NCAM1: variants seen among roughly 807,000 people sequenced by gnomAD.
NCAM1 encodes neural cell adhesion molecule 1.
A neutral mutation model predicts 109.8 loss-of-function variants in NCAM1; 14 were observed. The observed-to-expected ratio is 0.13, with a 90% CI of 0.08 to 0.20. NCAM1 has a LOEUF of 0.20. Among genes scored for constraint, NCAM1 ranks in the 10% least tolerant of loss-of-function variants. NCAM1 has a pLI of 1.00. For synonymous variants in NCAM1, 418 were observed against 442.9 expected (o/e 0.94, Z 0.70); for missense variants, 774 against 1,109.9 (o/e 0.70, Z 4.30).
intron 1 of NCAM1, among the ~76,000 whole-genome samples, chr11:113,078,727 G>T (rs1171390108): frequency 6.6e-6 from 1 of 152,234 alleles, no homozygotes; most frequent in East Asian, 1.9e-4. Context: ...GACCCCAAAG[G>T]CTATGCGGTA....
intron 1 of NCAM1, among the ~76,000 whole-genome samples, chr11:113,003,330 A>G (rs1342335631): frequency 1.3e-5 from 2 of 152,246 alleles, no homozygotes; most frequent in African/African-American, 4.8e-5. Flanking sequence ...TTGTATGTGG[A>G]TGAATGAAAT....
intron 1 of NCAM1, among the ~76,000 whole-genome samples, chr11:113,188,093 T>C (rs80083801): frequency 0.026 from 3,978 of 152,296 alleles, 167 homozygotes; most frequent in African/African-American, 0.09. Context: ...TTCTGTCTGT[T>C]TGCCAGTCCT....
At chr11:113,089,759 G>C (rs782501860) in intron 1 of NCAM1, among the ~76,000 whole-genome samples, 1 of 152,198 alleles carries the variant, frequency 6.6e-6, no homozygotes, top group Non-Finnish European at 1.5e-5. Context: ...ATTTTGGAAA[G>C]GGAGAAGATG....
chr11:113,010,681 C>T (rs891435992), intron 1 of NCAM1, among the ~76,000 whole-genome samples: 5 of 151,994 alleles, frequency 3.3e-5, no homozygotes, highest in South Asian at 2.1e-4. Flanking sequence ...AGTCAGTTGG[C>T]GAGAGTACCA....
chr11:113,206,149 C>T lies in NCAM1; in HGVS notation c.597C>T (p.Ile199=). Residue 199 remains isoleucine, a synonymous_variant, in exon 5 of 20, where the codon ATC becomes ATT. Transcript: ENST00000316851. ...GCAGAATCCTGGCACGGGGGGAGATCAACTTCAAGGACATTCAGGTCATTG... is the reference window on the plus strand; with the variant it reads ...GCAGAATCCTGGCACGGGGGGAGATTAACTTCAAGGACATTCAGGTCATTG... ...CEGRILARGE[I]NFKDIQVIVN... The T allele has an allele frequency of 6.2e-7, 1 of 1,613,318 alleles. No individual in the cohort carries two copies. The highest frequency in any genetic ancestry group is 8.5e-7 in the Non-Finnish European group (1 of 1,179,588).
chr11:113,231,179 G>T (rs1555117119), intron 9 of NCAM1: 1 of 1,534,810 alleles, frequency 6.5e-7, no homozygotes, highest in East Asian at 2.4e-5. Context: ...TTGGGCACTT[G>T]GAATGTCCTG....
At chr11:113,059,630 A>G (rs1161950161) in intron 1 of NCAM1, among the ~76,000 whole-genome samples, 1 of 152,196 alleles carries the variant, frequency 6.6e-6, no homozygotes, top group African/African-American at 2.4e-5. Context: ...TCCAAGAGTC[A>G]GGAAGAAGCC....
Position 113,233,316 on chromosome 11 carries a change from A to G in NCAM1, c.1692A>G (p.Glu564=). ...ATTCCAAGTGGTATGATGCCAAGGA[A>G]GGTGAGTTGGGCGAGTTGGTGTTTC... ...VWHSKWYDAK[E]ASMEGIVTIV... is the part of the protein sequence containing the mutation. Residue 564 remains glutamate, a splice_region_variant and synonymous_variant, in exon 13 of 20, where the codon GAA becomes GAG. Transcript: ENST00000316851. This position sits in a 1 kb window ranked among gnomAD's most constrained non-coding sequence, Gnocchi z 4.5. The G allele has an allele frequency of 6.2e-7, 1 of 1,612,436 alleles. No homozygotes were observed. Among genetic ancestry groups the G allele is most frequent in the South Asian group, 1.1e-5 (1 of 90,552 alleles).
chr11:113,031,325 A>T (rs1290933177), intron 1 of NCAM1, among the ~76,000 whole-genome samples: 1 of 152,184 alleles, frequency 6.6e-6, no homozygotes, highest in African/African-American at 2.4e-5. Context: ...GCACTTCACC[A>T]CTACCTTGGG....
At chr11:113,000,549 A>T (rs1555072207) in intron 1 of NCAM1, among the ~76,000 whole-genome samples, 1 of 152,092 alleles carries the variant, frequency 6.6e-6, no homozygotes, top group Non-Finnish European at 1.5e-5. Flanking sequence ...GTATAATGAG[A>T]TAATTAAATA....
At chr11:113,202,500 T>A (rs1944098516) in intron 2 of NCAM1, 47 bp downstream of exon 2, 1 of 1,544,040 alleles carries the variant, frequency 6.5e-7, no homozygotes, top group Admixed American at 1.9e-5. Flanking sequence ...CTTCAGAAAC[T>A]CACTGGGTAG....
rs574951042 is a variant in NCAM1 at position 112,962,068 on chromosome 11, G to T, written c.52+404G>T. ...GTGCCGCCGCACGGGCTCGGATTCC[G>T]AGGGGGAAGTGGCTTGTCAGCCCCG... On this transcript the variant is annotated intron_variant, in intron 1 of 19. Transcript: ENST00000316851. The surrounding 1 kb of genome is among the most constrained non-coding windows in gnomAD (Gnocchi z 5.6). Among the ~76,000 whole-genome samples, 14 of 152,290 alleles carry T rather than the reference G, an allele frequency of 9.2e-5. No individual in the cohort carries two copies. Among genetic ancestry groups the T allele is most frequent in the African/African-American group, 3.4e-4 (14 of 41,568 alleles).
intron 1 of NCAM1, among the ~76,000 whole-genome samples, chr11:113,001,947 C>T (rs1210729822): frequency 6.6e-6 from 1 of 152,154 alleles, no homozygotes; most frequent in Non-Finnish European, 1.5e-5. Context: ...CAGCTTCTCT[C>T]CGTGGAGAGG....
chr11:113,205,772 C>T (rs2136931692), intron 4 of NCAM1, 106 bp downstream of exon 4: 1 of 1,429,056 alleles, frequency 7.0e-7, no homozygotes, highest in Non-Finnish European at 9.5e-7. Context: ...TTCATGTGTG[C>T]CCGAACCCTC....
At chr11:113,073,914 T>C (rs1712727768) in intron 1 of NCAM1, among the ~76,000 whole-genome samples, 1 of 152,210 alleles carries the variant, frequency 6.6e-6, no homozygotes, top group African/African-American at 2.4e-5. Context: ...TTGTAAAGCA[T>C]CCACATCTGA....
chr11:112,965,084 T>A (rs200897611), intron 1 of NCAM1, among the ~76,000 whole-genome samples: 42 of 150,208 alleles, frequency 2.8e-4, no homozygotes, highest in East Asian at 1.0e-3. Flanking sequence ...ATTTTTTTTT[T>A]AAAAATGGAA....
intron 1 of NCAM1, among the ~76,000 whole-genome samples, chr11:112,976,237 A>T (rs1226841194): frequency 6.6e-6 from 1 of 151,986 alleles, no homozygotes; most frequent in Non-Finnish European, 1.5e-5. Context: ...TGTTTGTGAT[A>T]AGTGAGTATA....
intron 1 of NCAM1, among the ~76,000 whole-genome samples, chr11:113,116,438 T>C (rs1940712586): frequency 6.6e-6 from 1 of 152,176 alleles, no homozygotes; most frequent in South Asian, 2.1e-4. Flanking sequence ...GCTAGAGAAA[T>C]GACAGCCCAA....
chr11:113,234,997 A>G (rs1945120680), intron 13 of NCAM1, 36 bp from the exon 14 acceptor site: 1 of 1,530,458 alleles, frequency 6.5e-7, no homozygotes, highest in Non-Finnish European at 8.8e-7. Flanking sequence ...CATTTTAACA[A>G]TAGACTCTTT....
Sources: allele counts gnomAD v4.1 joint callset (sites outside exome capture counted in the v4.1 genomes callset), GRCh38; gene constraint gnomAD v4.1.1; non-coding constraint Gnocchi (gnomAD v3.1); transcripts MANE v1.5; gene names NCBI Gene and HGNC (gene_info 2026-07-23, HGNC 2026-07-21).